Variants in RRM2 observed in about 807,000 individuals in gnomAD.
The protein encoded by RRM2 is ribonucleoside-diphosphate reductase subunit M2.
In RRM2, 6 loss-of-function variants were observed where a neutral mutation model predicts 45.9. The observed-to-expected ratio is 0.13, with a 90% CI of 0.07 to 0.26. RRM2 has a LOEUF of 0.26. Ranked by LOEUF, RRM2 falls within the 10% of genes least tolerant of loss-of-function variation. The pLI, the probability that RRM2 is intolerant of heterozygous loss-of-function variation, is 1.00. For synonymous variants in RRM2, 177 were observed against 173.0 expected, an observed-to-expected ratio of 1.02 and a Z score of -0.18; for missense variants, 343 against 489.5, an observed-to-expected ratio of 0.70 and a Z score of 2.82.
chr2:10,122,952 C>T, intron 1 of RRM2, 31 bp from the exon 2 acceptor site: 1 of 1,546,216 alleles, frequency 6.5e-7, no homozygotes, highest in Non-Finnish European at 8.7e-7. Flanking sequence ...GAAAGCGAAG[C>T]CGCTCCTCAC....
chr2:10,130,370 AGTT>A lies in RRM2; in HGVS notation c.*988_*990del, dbSNP rs1662871973. 6.6e-6 allele frequency: 1 copy of A among 152,178 alleles called. No individual in the cohort carries two copies. Among genetic ancestry groups the A allele is most frequent in the African/African-American group, 2.4e-5 (1 of 41,446 alleles). 9.4% of individuals were successfully genotyped at this position (152,178 alleles called of 1,614,324 possible). A position where few individuals can be genotyped will look rare whatever the true frequency, so the allele number is the denominator to read the frequency against. On this transcript the variant is annotated 3_prime_UTR_variant, in exon 10 of 10. Transcript: ENST00000304567. ...AAATCAACTAGAGGTGGTTCCTACA[AGTT>A]GTTCATTCTAGTTTTGTTTGGTGTA...
At chr2:10,146,957 TA>T (rs575803476) in intron 3 of RRM2, among the ~76,000 whole-genome samples, 187 of 152,324 alleles carry the variant, frequency 1.2e-3, no homozygotes, top group African/African-American at 4.2e-3. Context: ...TTTCTTTATT[TA>T]TTTTTATTTA....
Position 10,127,865 on chromosome 2 carries a change from C to T in RRM2, c.798+645C>T, listed in dbSNP as rs138102168. ...GGTATTAATATGTTATCCCTTTTTC[C>T]GTAAAAATGTTCATAGTAGAGCCAG... On this transcript the variant is annotated intron_variant, in intron 7 of 9. Transcript: ENST00000304567. The surrounding 1 kb of genome is among the most constrained non-coding windows in gnomAD (Gnocchi z 4.1). 1.3e-3 allele frequency among the ~76,000 whole-genome samples: 200 copies of T among 151,690 alleles called. 1 individual carries two copies. Among genetic ancestry groups the T allele is most frequent in the African/African-American group, 4.3e-3 (180 of 41,430 alleles).
At chr2:10,122,662 G>A, upstream of RRM2, 1 of 1,549,328 alleles carries the variant, frequency 6.5e-7, no homozygotes, top group South Asian at 1.2e-5. Flanking sequence ...GGAAGGGCCG[G>A]GGCACCAAAG....
chr2:10,136,079 C>T (rs192461272), downstream of RRM2, among the ~76,000 whole-genome samples: 6 of 152,264 alleles, frequency 3.9e-5, no homozygotes, highest in East Asian at 3.9e-4. Flanking sequence ...ACATTCCTAC[C>T]GGATGTGAGA....
At position 10,124,731 on chromosome 2, in the gene RRM2, C is replaced by T; in HGVS notation, c.450C>T (p.Ser150=). The change falls in exon 5 of 10, where the codon AGC becomes AGT. Residue 150 remains serine (S), a synonymous_variant. Coordinates refer to ENST00000304567, the MANE Select transcript of RRM2 (RefSeq NM_001034.4). The part of the protein sequence containing the change: ...IVNENLVERF[S]QEVQITEARC... ...TTTGCCACTAGGTGGAGCGATTTAG[C>T]CAAGAAGTTCAGATTACAGAAGCCC... The T allele has an allele frequency of 3.1e-6, 5 of 1,611,580 alleles. No individual in the cohort carries two copies. Among genetic ancestry groups the T allele is most frequent in the Non-Finnish European group, 4.2e-6 (5 of 1,179,760 alleles).
chr2:10,152,190 C>T (rs560084115), intron 3 of RRM2, among the ~76,000 whole-genome samples: 3 of 152,022 alleles, frequency 2.0e-5, no homozygotes, highest in South Asian at 4.2e-4. Context: ...CCTCGTGATC[C>T]GCCTGCCTCG....
intron 3 of RRM2, among the ~76,000 whole-genome samples, chr2:10,152,453 A>T (rs1435398535): frequency 6.9e-6 from 1 of 144,456 alleles, no homozygotes; most frequent in African/African-American, 2.6e-5. Context: ...TTTTTCTTTT[A>T]TAGTTTATGT....
At chr2:10,145,912 C>G (rs913075605) in intron 3 of RRM2, 2 of 152,260 alleles carry the variant, frequency 1.3e-5, no homozygotes, top group Non-Finnish European at 2.9e-5. Context: ...GAATAGCCTC[C>G]GAAGCTGGGA....
At chr2:10,151,954 TTA>T (rs1400042214) in intron 3 of RRM2, among the ~76,000 whole-genome samples, 3 of 27,892 alleles carry the variant, frequency 1.1e-4, no homozygotes, top group African/African-American at 1.1e-3. Context: ...ATTTTTTATT[TTA>T]TTTTTTTTTT....
At chr2:10,177,726 CCTCT>C (rs1359253442) in intron 3 of RRM2, among the ~76,000 whole-genome samples, 3 of 142,936 alleles carry the variant, frequency 2.1e-5, no homozygotes, top group Admixed American at 7.0e-5. Context: ...TCCCTCCCTC[CCTCT>C]CTCTCTCTTT....
At chr2:10,194,361 G>A (rs947504001) in intron 3 of RRM2, among the ~76,000 whole-genome samples, 29 of 152,222 alleles carry the variant, frequency 1.9e-4, no homozygotes, top group African/African-American at 7.0e-4. Context: ...GGCTCTGGGG[G>A]TAAGGCCTTG....
At chr2:10,150,040 G>A (rs369128080) in intron 3 of RRM2, among the ~76,000 whole-genome samples, 40 of 152,332 alleles carry the variant, frequency 2.6e-4, no homozygotes, top group South Asian at 1.9e-3. Context: ...GTAGCTGGGC[G>A]CAGTGGCTCA....
intron 3 of RRM2, among the ~76,000 whole-genome samples, chr2:10,174,884 GA>G (rs35846958): frequency 8.5e-6 from 1 of 118,326 alleles, no homozygotes; most frequent in Admixed American, 8.3e-5. Flanking sequence ...AAAAAAAAAA[GA>G]AAAAATGTTG....
At chr2:10,124,293 A>T (rs1467814424) in intron 4 of RRM2, among the ~76,000 whole-genome samples, 5 of 152,056 alleles carry the variant, frequency 3.3e-5, no homozygotes, top group Non-Finnish European at 7.4e-5. Context: ...TTTAGTAGAG[A>T]CAGGGTTTTA....
At chr2:10,138,167 A>AT (rs35428652), upstream of RRM2, among the ~76,000 whole-genome samples, 1,035 of 136,128 alleles carry the variant, frequency 7.6e-3, 10 homozygotes, top group African/African-American at 0.021. Context: ...TGCCCGGCTA[A>AT]TTTTTTTTTT....
At chr2:10,134,063 C>G (rs2125309783), downstream of RRM2, among the ~76,000 whole-genome samples, 1 of 150,754 alleles carries the variant, frequency 6.6e-6, no homozygotes, top group East Asian at 2.0e-4. Context: ...TCTGTAATCC[C>G]ATTACTCCGG....
chr2:10,141,177 A>G (rs778445827), upstream of RRM2, among the ~76,000 whole-genome samples: 11 of 152,160 alleles, frequency 7.2e-5, no homozygotes, highest in Non-Finnish European at 1.2e-4. Flanking sequence ...AGGTCGGCCA[A>G]TGGGGGCCAT....
intron 3 of RRM2, among the ~76,000 whole-genome samples, chr2:10,186,980 C>T (rs1423646951): frequency 6.6e-6 from 1 of 152,242 alleles, no homozygotes; most frequent in Non-Finnish European, 1.5e-5. Context: ...GCCCAGGAGT[C>T]CCCCGAAGGG....
Sources: allele counts gnomAD v4.1 joint callset (sites outside exome capture counted in the v4.1 genomes callset), GRCh38; gene constraint gnomAD v4.1.1; non-coding constraint Gnocchi (gnomAD v3.1); transcripts MANE v1.5; gene names NCBI Gene and HGNC (gene_info 2026-07-23, HGNC 2026-07-21).